The following MBD5 variants were observed in gnomAD, a reference collection of about 807,000 sequenced individuals.
The protein encoded by MBD5 is methyl-CpG-binding domain protein 5.
A neutral mutation model predicts 117.3 loss-of-function variants in MBD5; 13 were observed. The observed-to-expected ratio is 0.11, with a 90% confidence interval of 0.07 to 0.18. The LOEUF (loss-of-function observed/expected upper bound fraction) is 0.18, where lower values mean the gene tolerates loss of function less well. Ranked by LOEUF, MBD5 falls within the 10% of genes least tolerant of loss-of-function variation. The probability of loss-of-function intolerance (pLI) is 1.00; values close to 1 mark genes in which losing one functional copy is unlikely to be tolerated. For missense variants in MBD5, 1,879 were observed against 2,093.8 expected (o/e 0.90, Z 2.00); for synonymous variants, 727 against 766.4 (o/e 0.95, Z 0.85).
chr2:148,432,663 G>A (rs1011665725), intron 4 of MBD5, among the ~76,000 whole-genome samples: 17 of 152,098 alleles, frequency 1.1e-4, no homozygotes, highest in African/African-American at 4.1e-4. Context: ...CTTTGTTGGA[G>A]ATCAGATGGT....
intron 4 of MBD5, among the ~76,000 whole-genome samples, chr2:148,356,624 T>G (rs1703387864): frequency 6.6e-6 from 1 of 152,208 alleles, no homozygotes; most frequent in Non-Finnish European, 1.5e-5. Flanking sequence ...CTTCTTTGGT[T>G]ATATTTTCTT....
intron 1 of MBD5, chr2:148,072,018 C>A (rs1558913736): frequency 6.6e-6 from 1 of 152,150 alleles, no homozygotes; most frequent in Non-Finnish European, 1.5e-5. Context: ...CAGACATTTT[C>A]ATCCTCTAGA....
chr2:148,025,377 A>G (rs1693864049), intron 1 of MBD5: 1 of 152,248 alleles, frequency 6.6e-6, no homozygotes, highest in Admixed American at 6.5e-5. Flanking sequence ...ATATATAAAG[A>G]AAAATTTTCC....
In MBD5 at chr2:148,458,804, C is replaced by A. The variant is rs749436847; in HGVS notation, c.46C>A (p.Leu16Ile). 26 of 1,613,588 alleles carry A rather than the reference C, an allele frequency of 1.6e-5. No individual in the cohort carries two copies. Among genetic ancestry groups the A allele is most frequent in the Admixed American group, 5.0e-5 (3 of 59,954 alleles). The change falls in exon 5 of 14, where the codon CTT (leucine) becomes ATT (isoleucine). Residue 16 changes from leucine to isoleucine, a missense_variant. Transcript: ENST00000642680. Reference protein sequence around the residue: ...ECDGGDKEGGLPAIQVPVGWQ... With the variant: ...ECDGGDKEGGIPAIQVPVGWQ... Reference sequence around the variant, plus strand: ...TGACGGAGGGGACAAGGAAGGAGGTCTTCCAGCTATACAAGTTCCTGTGGG... The same window carrying A: ...TGACGGAGGGGACAAGGAAGGAGGTATTCCAGCTATACAAGTTCCTGTGGG...
intron 2 of MBD5, among the ~76,000 whole-genome samples, chr2:148,197,997 T>C (rs1488967233): frequency 6.6e-6 from 1 of 151,874 alleles, no homozygotes; most frequent in Non-Finnish European, 1.5e-5. Flanking sequence ...GTGTTTTTAG[T>C]AGAAATGAGG....
chr2:148,151,407 T>C (rs1697661320), intron 1 of MBD5, among the ~76,000 whole-genome samples: 1 of 152,204 alleles, frequency 6.6e-6, no homozygotes, highest in Non-Finnish European at 1.5e-5. Context: ...AATTCTCTTT[T>C]TTGGTTGTGT....
intron 3 of MBD5, among the ~76,000 whole-genome samples, chr2:148,339,960 A>AT (rs1200712784): frequency 1.3e-5 from 2 of 151,842 alleles, no homozygotes; most frequent in Non-Finnish European, 2.9e-5. Flanking sequence ...CAGGGTTCAG[A>AT]TTTTTTTCTC....
chr2:148,261,718 T>C (rs911742285), intron 3 of MBD5, among the ~76,000 whole-genome samples: 4 of 152,266 alleles, frequency 2.6e-5, no homozygotes, highest in Non-Finnish European at 5.9e-5. Context: ...TCAATAACTT[T>C]TCCTTTACAT....
intron 7 of MBD5, among the ~76,000 whole-genome samples, chr2:148,466,679 G>A (rs976181680): frequency 6.6e-6 from 1 of 152,062 alleles, no homozygotes; most frequent in Non-Finnish European, 1.5e-5. Flanking sequence ...AAGAAAATAA[G>A]CTTCAGTTGA....
intron 1 of MBD5, chr2:148,055,176 ATAGT>A (rs1317936115): frequency 1.3e-5 from 2 of 152,094 alleles, no homozygotes; most frequent in Admixed American, 6.6e-5. Context: ...ATAAATAGAA[ATAGT>A]TAATTTTAAC....
intron 1 of MBD5, among the ~76,000 whole-genome samples, chr2:148,139,333 A>G (rs1169368832): frequency 2.0e-5 from 3 of 151,986 alleles, no homozygotes; most frequent in East Asian, 3.9e-4. Flanking sequence ...CAGCCTCCCG[A>G]GTAGCTGGGA....
chr2:148,144,627 A>T (rs1697404211), intron 1 of MBD5, among the ~76,000 whole-genome samples: 1 of 152,188 alleles, frequency 6.6e-6, no homozygotes, highest in African/African-American at 2.4e-5. Flanking sequence ...TTTTTGTATA[A>T]GGTGTAAGGA....
At chr2:148,430,268 A>G (rs1705942167) in intron 4 of MBD5, among the ~76,000 whole-genome samples, 1 of 152,120 alleles carries the variant, frequency 6.6e-6, no homozygotes, top group Non-Finnish European at 1.5e-5. Context: ...TATTATCTTC[A>G]TTTGGCAGAT....
At chr2:148,067,395 C>G (rs547538301) in intron 1 of MBD5, among the ~76,000 whole-genome samples, 1 of 152,186 alleles carries the variant, frequency 6.6e-6, no homozygotes, top group South Asian at 2.1e-4. Flanking sequence ...ATAGAGCAAG[C>G]TAAACAAAAC....
At chr2:148,025,424 A>G (rs748601562) in intron 1 of MBD5, 3 of 152,038 alleles carry the variant, frequency 2.0e-5, no homozygotes, top group Non-Finnish European at 4.4e-5. Context: ...TATTCTGTAT[A>G]TAGTTAACAC....
intron 4 of MBD5, among the ~76,000 whole-genome samples, chr2:148,431,237 T>C (rs184324019): frequency 3.9e-5 from 6 of 152,284 alleles, no homozygotes; most frequent in Admixed American, 3.9e-4. Context: ...AAACATTCAC[T>C]TTTTATACTT....
chr2:148,256,989 A>G (rs1026969045), intron 3 of MBD5, among the ~76,000 whole-genome samples: 1 of 152,220 alleles, frequency 6.6e-6, no homozygotes, highest in African/African-American at 2.4e-5. Flanking sequence ...CCATCCTGCT[A>G]TAGGCTAAGT....
At chr2:148,271,990 CTA>C (rs1300837581) in intron 3 of MBD5, among the ~76,000 whole-genome samples, 1 of 152,294 alleles carries the variant, frequency 6.6e-6, no homozygotes, top group African/African-American at 2.4e-5. Flanking sequence ...TGCTCCACTA[CTA>C]TGAGTTTGAC....
chr2:148,183,595 C>T (rs1698580345), intron 2 of MBD5, among the ~76,000 whole-genome samples: 1 of 152,024 alleles, frequency 6.6e-6, no homozygotes, highest in Non-Finnish European at 1.5e-5. Context: ...TTTGTCTCTT[C>T]ATCTTCTCCT....
Sources: gnomAD v4.1 joint callset for allele counts (sites outside exome capture counted in the v4.1 genomes callset) on GRCh38, gnomAD v4.1.1 for gene constraint, MANE v1.5 for transcripts, NCBI Gene and HGNC (gene_info 2026-07-23, HGNC 2026-07-21) for gene names.